Variants in ABCC1 observed in about 807,000 individuals in gnomAD.
ABCC1 encodes multidrug resistance-associated protein 1.
In ABCC1, 83 loss-of-function variants were observed where a neutral mutation model predicts 172.9. The ratio of observed to expected loss-of-function variants is 0.48; its 90% confidence interval spans 0.40 to 0.58. The LOEUF is 0.58. ABCC1 is among the 20% of genes least tolerant of loss of function. ABCC1 has a pLI of 0.00. For missense variants in ABCC1, 1,817 were observed against 2,002.7 expected (o/e 0.91, Z 1.77); for synonymous variants, 937 against 825.2 (o/e 1.14, Z -2.32).
chr16:16,012,050 T>G (rs2047804025), intron 3 of ABCC1, among the ~76,000 whole-genome samples: 1 of 152,060 alleles, frequency 6.6e-6, no homozygotes, highest in Admixed American at 6.6e-5. Context: ...GATCCTCCTG[T>G]CTGGGCCTCC....
intron 1 of ABCC1, among the ~76,000 whole-genome samples, chr16:16,007,042 A>T (rs1005902865): frequency 6.6e-6 from 1 of 152,142 alleles, no homozygotes; most frequent in African/African-American, 2.4e-5. Flanking sequence ...AGTGATCTAG[A>T]TGACACAGGG....
At chr16:16,062,152 C>G (rs983046823) in intron 12 of ABCC1, among the ~76,000 whole-genome samples, 4 of 152,172 alleles carry the variant, frequency 2.6e-5, no homozygotes, top group African/African-American at 9.7e-5. Flanking sequence ...TGGTCTGTGC[C>G]TTGTGTCCCG....
rs1290902490 is a variant in ABCC1 at position 16,064,258 on chromosome 16, C to G, written c.1678-3898C>G. ...TTGCACCCTAGACCCTCGCCTATTA[C>G]AAGGCGAACTCCAGTCTCCTGCTGC... is the stretch of plus-strand genomic sequence containing the variant. On this transcript the variant is annotated intron_variant, in intron 12 of 30. Coordinates refer to ENST00000399410, the MANE Select transcript of ABCC1 (RefSeq NM_004996.4). Among the ~76,000 whole-genome samples the G allele has an allele frequency of 3.3e-5, 5 of 152,174 alleles. No individual in the cohort carries two copies. The East Asian group carries it at 9.6e-4, about 29-fold the overall frequency.
chr16:16,111,440 C>G lies in ABCC1; in HGVS notation c.2937C>G (p.Ile979Met). 1 of 1,614,188 alleles carries G rather than the reference C, an allele frequency of 6.2e-7. No individual in the cohort carries two copies. Among genetic ancestry groups the G allele is most frequent in the Non-Finnish European group, 8.5e-7 (1 of 1,180,040 alleles). Reference protein sequence around the residue: ...AIGLFISFLSIFLFMCNHVSA... With the variant: ...AIGLFISFLSMFLFMCNHVSA... The stretch of plus-strand genomic sequence containing the variant: ...GACTCTTCATCTCCTTCCTCAGCAT[C>G]TTCCTTTTCATGTGTAACCATGTGT... Residue 979 changes from isoleucine (I) to methionine (M), a missense_variant, in exon 22 of 31, where the codon ATC becomes ATG. Physicochemically the swap from Ile to Met is conservative, Grantham distance 10 (BLOSUM62 1). This residue lies in a region of ABCC1 where 1,412 missense variants were observed against 1,600.3 expected (regional missense o/e 0.88). Transcript: ENST00000399410.
chr16:16,058,220 C>T (rs1289933162), intron 12 of ABCC1, among the ~76,000 whole-genome samples: 2 of 152,140 alleles, frequency 1.3e-5, no homozygotes, highest in African/African-American at 2.4e-5. Flanking sequence ...TTGGAAATTC[C>T]CTTTTTAAGC....
intron 1 of ABCC1, among the ~76,000 whole-genome samples, chr16:15,997,346 C>T (rs1169283030): frequency 6.6e-6 from 1 of 152,182 alleles, no homozygotes; most frequent in Non-Finnish European, 1.5e-5. Context: ...CTGCCTTGGC[C>T]TCTGAAAGTG....
rs1353662688 is a variant in ABCC1 at position 16,102,678 on chromosome 16, G to C, written c.2696G>C (p.Gly899Ala). Residue 899 changes from glycine to alanine, a missense_variant, in exon 20 of 31, where the codon GGC becomes GCC. By Grantham distance (60) the Gly-to-Ala change is moderately conservative. Around this residue, in one of 3 missense-constraint regions of ABCC1, gnomAD observed 1,412 missense variants for 1,600.3 expected, o/e 0.88. Transcript: ENST00000399410. ...AAGGAAGCAAAGCAAATGGAGAATG[G>C]CATGCTGGTGACGGACAGTGCAGGG... ...PGKEAKQMEN[G>A]MLVTDSAGKQ... 1.3e-6 allele frequency: 2 copies of C among 1,590,906 alleles called. No individual in the cohort carries two copies. Among genetic ancestry groups the C allele is most frequent in the Non-Finnish European group, 1.7e-6 (2 of 1,168,574 alleles).
chr16:15,983,333 G>A (rs1331802572), intron 1 of ABCC1, among the ~76,000 whole-genome samples: 1 of 152,066 alleles, frequency 6.6e-6, no homozygotes, highest in Non-Finnish European at 1.5e-5. Context: ...GCAGTTGTGG[G>A]GATTGTGATC....
At chr16:15,971,443 C>T (rs1241434021) in intron 1 of ABCC1, among the ~76,000 whole-genome samples, 1 of 152,148 alleles carries the variant, frequency 6.6e-6, no homozygotes, top group African/African-American at 2.4e-5. Context: ...CTCTAAGAGC[C>T]GGGGCTTTAC....
intron 21 of ABCC1, among the ~76,000 whole-genome samples, chr16:16,107,907 A>G (rs751339237): frequency 6.6e-6 from 1 of 151,782 alleles, no homozygotes; most frequent in Non-Finnish European, 1.5e-5. Context: ...AAAAACATGA[A>G]AGGTGGTAGC....
At chr16:16,118,883 T>TAAA (rs397855738) in intron 23 of ABCC1, among the ~76,000 whole-genome samples, 1,305 of 118,360 alleles carry the variant, frequency 0.011, 25 homozygotes, top group African/African-American at 0.04. Context: ...AAGTGTATAT[T>TAAA]AAAAAAAAAA....
At chr16:16,126,041 G>A (rs915894740) in intron 26 of ABCC1, 130 bp downstream of exon 26, 1 of 580,544 alleles carries the variant, frequency 1.7e-6, no homozygotes, top group Non-Finnish European at 3.0e-6. Flanking sequence ...GCATCTTAAC[G>A]CTTGTCCAGT....
chr16:16,048,019 G>T (rs2049285947), intron 9 of ABCC1, 123 bp from the exon 10 acceptor site: 3 of 1,250,332 alleles, frequency 2.4e-6, no homozygotes, highest in South Asian at 2.7e-5. Flanking sequence ...GTCGGGAGGG[G>T]AGGAGGAGAG....
intron 14 of ABCC1, among the ~76,000 whole-genome samples, chr16:16,075,705 A>G (rs554256639): frequency 2.6e-5 from 4 of 152,306 alleles, no homozygotes; most frequent in Admixed American, 1.3e-4. Context: ...GTGCCCTCGT[A>G]CCACACTTCC....
chr16:15,984,262 T>G (rs1353296367), intron 1 of ABCC1, among the ~76,000 whole-genome samples: 1 of 152,186 alleles, frequency 6.6e-6, no homozygotes, highest in Non-Finnish European at 1.5e-5. Flanking sequence ...GTCCAGTTTT[T>G]AAGTGAAAAC....
chr16:16,098,511 T>C (rs905677817), intron 19 of ABCC1, among the ~76,000 whole-genome samples: 1 of 152,172 alleles, frequency 6.6e-6, no homozygotes, highest in African/African-American at 2.4e-5. Flanking sequence ...CCCAGCTATT[T>C]GGGAGGCTGA....
chr16:16,070,433 G>C (rs1434180778), intron 13 of ABCC1, among the ~76,000 whole-genome samples: 1 of 152,106 alleles, frequency 6.6e-6, no homozygotes, highest in Non-Finnish European at 1.5e-5. Flanking sequence ...GGGAGGCCGA[G>C]GTGGGCGGAT....
intron 5 of ABCC1, among the ~76,000 whole-genome samples, chr16:16,023,558 A>G (rs935200855): frequency 2.0e-5 from 3 of 152,150 alleles, no homozygotes; most frequent in African/African-American, 7.2e-5. Context: ...GCTTTCAGTC[A>G]TTTAATAATC....
chr16:16,068,040 G>T, intron 12 of ABCC1, 116 bp from the exon 13 acceptor site: 1 of 1,213,132 alleles, frequency 8.2e-7, no homozygotes, highest in Non-Finnish European at 1.2e-6. Flanking sequence ...TCCAGCAGCT[G>T]GTCAGTTGTG....
Sources: gnomAD v4.1 joint callset for allele counts (sites outside exome capture counted in the v4.1 genomes callset) on GRCh38, gnomAD v4.1.1 for gene constraint, gnomAD v4.1.1 regional missense constraint, MANE v1.5 for transcripts, NCBI Gene and HGNC (gene_info 2026-07-23, HGNC 2026-07-21) for gene names.